The following KCNIP1 variants were observed in gnomAD, a reference collection of about 807,000 sequenced individuals.
KCNIP1 encodes the protein A-type potassium channel modulatory protein KCNIP1.
Under a neutral mutation model 33.0 loss-of-function variants are expected in KCNIP1, and 18 were observed. The observed-to-expected ratio is 0.55, with a 90% CI of 0.38 to 0.81. KCNIP1 has a LOEUF of 0.81. KCNIP1 is among the 30% of genes least tolerant of loss of function. The probability of loss-of-function intolerance (pLI) is 0.00; values close to 1 mark genes in which losing one functional copy is unlikely to be tolerated. For synonymous variants in KCNIP1, 93 were observed against 98.3 expected (o/e 0.95, Z 0.32); for missense variants, 238 against 271.6 (o/e 0.88, Z 0.87).
intron 1 of KCNIP1, among the ~76,000 whole-genome samples, chr5:170,404,918 C>A (rs989703521): frequency 6.6e-6 from 1 of 152,142 alleles, no homozygotes; most frequent in Non-Finnish European, 1.5e-5. Context: ...AGTAGACAGA[C>A]TACAGTTTAC....
chr5:170,368,271 T>A (rs1036775001), intron 1 of KCNIP1, among the ~76,000 whole-genome samples: 4 of 152,094 alleles, frequency 2.6e-5, no homozygotes, highest in Non-Finnish European at 5.9e-5. Context: ...TTTGTTTGTT[T>A]GTTTGTTTTA....
chr5:170,656,495 A>C (rs1339749842), intron 1 of KCNIP1, among the ~76,000 whole-genome samples: 1 of 152,184 alleles, frequency 6.6e-6, no homozygotes, highest in African/African-American at 2.4e-5. Context: ...AGGGCCCCCC[A>C]GTGTGAGCCT....
At chr5:170,371,517 C>G (rs1763842984) in intron 1 of KCNIP1, among the ~76,000 whole-genome samples, 1 of 152,162 alleles carries the variant, frequency 6.6e-6, no homozygotes, top group African/African-American at 2.4e-5. Context: ...TGGAGCAATA[C>G]CACCTAGATT....
At chr5:170,652,156 G>T (rs767373187) in intron 1 of KCNIP1, among the ~76,000 whole-genome samples, 7 of 152,048 alleles carry the variant, frequency 4.6e-5, no homozygotes, top group Non-Finnish European at 1.0e-4. Flanking sequence ...GGTTAGTTGT[G>T]TTGGGGGAAA....
At chr5:170,539,705 C>G (rs1756125404) in intron 1 of KCNIP1, among the ~76,000 whole-genome samples, 1 of 152,188 alleles carries the variant, frequency 6.6e-6, no homozygotes, top group African/African-American at 2.4e-5. Flanking sequence ...CCTGGCCTGC[C>G]TGTTCACCAT....
chr5:170,725,273 C>A (rs1335013476), intron 5 of KCNIP1, among the ~76,000 whole-genome samples: 1 of 152,146 alleles, frequency 6.6e-6, no homozygotes, highest in Non-Finnish European at 1.5e-5. Context: ...TGGAAGCAAC[C>A]TAAGTGTCCA....
intron 1 of KCNIP1, among the ~76,000 whole-genome samples, chr5:170,567,137 G>T: frequency 6.6e-6 from 1 of 152,172 alleles, no homozygotes; most frequent in East Asian, 1.9e-4. Flanking sequence ...GGCATACAGT[G>T]GTTTTCCCCC....
At chr5:170,529,801 G>C (rs1755717574) in intron 1 of KCNIP1, among the ~76,000 whole-genome samples, 1 of 152,148 alleles carries the variant, frequency 6.6e-6, no homozygotes, top group Non-Finnish European at 1.5e-5. Flanking sequence ...GGCAGAGTTG[G>C]AGTTTGGACC....
chr5:170,388,930 C>T (rs1272981457), intron 1 of KCNIP1, among the ~76,000 whole-genome samples: 1 of 152,182 alleles, frequency 6.6e-6, no homozygotes, highest in Non-Finnish European at 1.5e-5. Flanking sequence ...AGTCTGGACC[C>T]CTCTTGATGA....
At chr5:170,388,282 G>C (rs1253752311) in intron 1 of KCNIP1, among the ~76,000 whole-genome samples, 2 of 152,350 alleles carry the variant, frequency 1.3e-5, no homozygotes, top group African/African-American at 4.8e-5. Flanking sequence ...ATCCTCCTAA[G>C]ACCATGCGTG....
At chr5:170,433,115 G>A (rs563070894) in intron 1 of KCNIP1, among the ~76,000 whole-genome samples, 2 of 152,176 alleles carry the variant, frequency 1.3e-5, no homozygotes. Context: ...AGAAAGTATC[G>A]TGACCTGATA....
intron 1 of KCNIP1, among the ~76,000 whole-genome samples, chr5:170,655,047 T>C (rs1761204133): frequency 6.6e-6 from 1 of 152,160 alleles, no homozygotes. Context: ...TAAAATATAT[T>C]ACAAAATAAT....
chr5:170,717,947 C>T (rs1360768966), intron 1 of KCNIP1, among the ~76,000 whole-genome samples: 1 of 152,246 alleles, frequency 6.6e-6, no homozygotes, highest in Non-Finnish European at 1.5e-5. Flanking sequence ...AAGGAAATCA[C>T]TCACCTACCC....
intron 1 of KCNIP1, among the ~76,000 whole-genome samples, chr5:170,445,739 C>T (rs928264224): frequency 6.6e-6 from 1 of 152,316 alleles, no homozygotes; most frequent in South Asian, 2.1e-4. Context: ...TCTCACTATC[C>T]CCCGCTCCCT....
rs138826901 is a variant in KCNIP1, at chr5:170,651,583, T to G, written c.62-67175T>G. 2.7e-3 allele frequency among the ~76,000 whole-genome samples: 409 copies of G among 152,330 alleles called. 2 individuals are homozygous for G. The highest frequency in any genetic ancestry group is 9.4e-3 in the African/African-American group (389 of 41,564). On this transcript the variant is annotated intron_variant, in intron 1 of 7. Coordinates refer to ENST00000328939, the MANE Select transcript of KCNIP1 (RefSeq NM_014592.4). Reference sequence around the variant, plus strand: ...ATCTTGGAGCCCTTGCCATCTATAATCTTCTACCGCCACCCCCCCAGCTGA... The same window carrying G: ...ATCTTGGAGCCCTTGCCATCTATAAGCTTCTACCGCCACCCCCCCAGCTGA...
At chr5:170,606,870 G>A (rs771770720) in intron 1 of KCNIP1, among the ~76,000 whole-genome samples, 7 of 152,140 alleles carry the variant, frequency 4.6e-5, no homozygotes, top group Non-Finnish European at 5.9e-5. Flanking sequence ...CCCCTCCACC[G>A]AAGCACTACT....
At chr5:170,480,933 C>T (rs902631076) in intron 1 of KCNIP1, among the ~76,000 whole-genome samples, 68 of 152,192 alleles carry the variant, frequency 4.5e-4, no homozygotes, top group African/African-American at 1.5e-3. Context: ...AAGTGCCTAT[C>T]GATGCTTAAT....
At chr5:170,441,282 A>T (rs1056374417) in intron 1 of KCNIP1, among the ~76,000 whole-genome samples, 1 of 152,194 alleles carries the variant, frequency 6.6e-6, no homozygotes, top group Non-Finnish European at 1.5e-5. Flanking sequence ...ACTAGTAGGA[A>T]GCAGTGAGAA....
At chr5:170,388,456 A>G (rs767038859) in intron 1 of KCNIP1, among the ~76,000 whole-genome samples, 1 of 152,222 alleles carries the variant, frequency 6.6e-6, no homozygotes. Context: ...GTTAGACTGT[A>G]AGAAGAACTT....
Sources: gnomAD v4.1 joint callset for allele counts (sites outside exome capture counted in the v4.1 genomes callset) on GRCh38, gnomAD v4.1.1 for gene constraint, MANE v1.5 for transcripts, NCBI Gene and HGNC (gene_info 2026-07-23, HGNC 2026-07-21) for gene names.